ANKRD11: variants seen among roughly 807,000 people sequenced by gnomAD.
ANKRD11 encodes the protein ankyrin repeat domain-containing protein 11.
A neutral mutation model predicts 195.7 loss-of-function variants in ANKRD11; 17 were observed. The ratio of observed to expected loss-of-function variants is 0.09; its 90% CI spans 0.06 to 0.13. The LOEUF (loss-of-function observed/expected upper bound fraction) is 0.13. Ranked by LOEUF, ANKRD11 falls within the 10% of genes least tolerant of loss-of-function variation. ANKRD11 has a pLI of 1.00. For synonymous variants in ANKRD11, 1,953 were observed against 1,528.1 expected, an observed-to-expected ratio of 1.28 and a Z score of -6.49; for missense variants, 3,735 against 3,566.1, an observed-to-expected ratio of 1.05 and a Z score of -1.21.
Position 89,357,289 on chromosome 16 carries a change from A to T in ANKRD11, c.-59-40211T>A, listed in dbSNP as rs531560162. ...CTGATAAAAGTCACACCATGAAGGA[A>T]GGGCAGTCAGGGACTGTGCTCACCA... On this transcript the variant is annotated intron_variant, in intron 2 of 12. Coordinates refer to ENST00000301030, the MANE Select transcript of ANKRD11 (RefSeq NM_013275.6). 3.3e-5 allele frequency among the ~76,000 whole-genome samples: 5 copies of T among 152,298 alleles called. No individual in the cohort carries two copies. In the South Asian group the frequency reaches 6.2e-4, roughly 19 times the overall value.
At chr16:89,289,064 G>A (rs1471165748) in intron 6 of ANKRD11, 1 of 316,730 alleles carries the variant, frequency 3.2e-6, no homozygotes, top group African/African-American at 2.2e-5. Flanking sequence ...CGGAAACCAA[G>A]GCTGAGAGCC....
At chr16:89,485,211 C>A (rs959341303) in intron 1 of ANKRD11, among the ~76,000 whole-genome samples, 2 of 151,828 alleles carry the variant, frequency 1.3e-5, no homozygotes, top group Non-Finnish European at 2.9e-5. Flanking sequence ...TGGCTAGGCG[C>A]GGTAGTTCAC....
At chr16:89,278,538 G>A (rs1423146732) in intron 9 of ANKRD11, 2 of 456,686 alleles carry the variant, frequency 4.4e-6, no homozygotes, top group East Asian at 6.9e-5. Flanking sequence ...AGGGTCAGGT[G>A]GAACAAGGTG....
At chr16:89,271,277 G>GT (rs2033130258) in intron 11 of ANKRD11, 1 of 342,064 alleles carries the variant, frequency 2.9e-6, no homozygotes, top group Admixed American at 4.2e-5. Flanking sequence ...TTCGCTTGTT[G>GT]CCCAGGCTGG....
At chr16:89,424,328 C>T (rs1489655845) in intron 1 of ANKRD11, among the ~76,000 whole-genome samples, 1 of 151,952 alleles carries the variant, frequency 6.6e-6, no homozygotes, top group East Asian at 1.9e-4. Flanking sequence ...GTAATCCCAG[C>T]TACTCGGGAG....
intron 1 of ANKRD11, among the ~76,000 whole-genome samples, chr16:89,474,090 A>G (rs1335843052): frequency 1.3e-5 from 2 of 152,084 alleles, no homozygotes; most frequent in Non-Finnish European, 2.9e-5. Flanking sequence ...GAAAACAAAG[A>G]CTTGCGTCCC....
chr16:89,286,387 G>A (rs767844356), intron 7 of ANKRD11: 20 of 771,336 alleles, frequency 2.6e-5, no homozygotes, highest in Non-Finnish European at 4.2e-5. Flanking sequence ...TGGCTCCTCT[G>A]TGGGAAGGGC....
chr16:89,485,288 A>G (rs186774906), intron 1 of ANKRD11, among the ~76,000 whole-genome samples: 5 of 151,738 alleles, frequency 3.3e-5, no homozygotes, highest in Admixed American at 1.3e-4. Flanking sequence ...GTTCCAGACC[A>G]GCCTGACCAA....
At chr16:89,272,722 T>G (rs1567540545) in intron 11 of ANKRD11, 1 of 152,134 alleles carries the variant, frequency 6.6e-6, no homozygotes, top group Admixed American at 6.6e-5. Flanking sequence ...CTCCCATATT[T>G]AACGCAACCC....
chr16:89,353,660 A>C (rs1182590186), intron 2 of ANKRD11, among the ~76,000 whole-genome samples: 3 of 152,084 alleles, frequency 2.0e-5, no homozygotes, highest in African/African-American at 7.2e-5. Context: ...TTGTATTTTT[A>C]GTAGAGACAG....
At chr16:89,449,070 G>A (rs2043938265) in intron 1 of ANKRD11, among the ~76,000 whole-genome samples, 1 of 152,092 alleles carries the variant, frequency 6.6e-6, no homozygotes, top group South Asian at 2.1e-4. Flanking sequence ...ATGGAAATGG[G>A]CCAGGTGTGG....
chr16:89,384,620 G>A (rs1372176382), intron 2 of ANKRD11, among the ~76,000 whole-genome samples: 1 of 152,180 alleles, frequency 6.6e-6, no homozygotes, highest in Non-Finnish European at 1.5e-5. Flanking sequence ...TCTGCAGGAA[G>A]GAGCCTCTGC....
chr16:89,468,915 CA>C (rs1481182157), intron 1 of ANKRD11, among the ~76,000 whole-genome samples: 1 of 151,954 alleles, frequency 6.6e-6, no homozygotes, highest in African/African-American at 2.4e-5. Flanking sequence ...GTTAAACGTT[CA>C]AAAAACAAAA....
chr16:89,314,881 G>A lies in ANKRD11; in HGVS notation c.87+2052C>T, dbSNP rs74033770. 2.3e-3 allele frequency among the ~76,000 whole-genome samples: 356 copies of A among 152,216 alleles called. 3 individuals carry two copies. The highest frequency in any genetic ancestry group is 7.7e-3 in the African/African-American group (320 of 41,540). Reference sequence around the variant, plus strand: ...CAGAGGCTGGGATCCTCTGTGAAGCGCAGGCCAGGTTCACTCAGCAGTCTG... The same window carrying A: ...CAGAGGCTGGGATCCTCTGTGAAGCACAGGCCAGGTTCACTCAGCAGTCTG... On this transcript the variant is annotated intron_variant, in intron 3 of 12. Coordinates refer to ENST00000301030, the MANE Select transcript of ANKRD11 (RefSeq NM_013275.6).
chr16:89,288,495 G>A (rs1050663027), intron 7 of ANKRD11, 33 bp downstream of exon 7: 2 of 1,613,984 alleles, frequency 1.2e-6, no homozygotes, highest in Non-Finnish European at 1.7e-6. Flanking sequence ...TGCCAGGACA[G>A]GCCGGATGTG....
chr16:89,305,871 ACCAC>A (rs1291172774), intron 3 of ANKRD11, among the ~76,000 whole-genome samples: 2 of 16,344 alleles, frequency 1.2e-4, no homozygotes, highest in East Asian at 1.8e-3. Context: ...GCAGACACGC[ACCAC>A]CCACCTCCCA....
chr16:89,394,942 G>T (rs972834776), intron 2 of ANKRD11, among the ~76,000 whole-genome samples: 1 of 152,176 alleles, frequency 6.6e-6, no homozygotes, highest in Non-Finnish European at 1.5e-5. Context: ...TTTTTCCAAG[G>T]CTACTTAGAG....
rs144145364 is a variant in ANKRD11 at position 89,432,618 on chromosome 16, C to G, written c.-144-14250G>C. 2.1e-3 allele frequency among the ~76,000 whole-genome samples: 326 copies of G among 152,256 alleles called. 2 individuals carry two copies. Among genetic ancestry groups the G allele is most frequent in the African/African-American group, 7.1e-3 (294 of 41,526 alleles). On this transcript the variant is annotated intron_variant, in intron 1 of 12. Coordinates refer to ENST00000301030, the MANE Select transcript of ANKRD11 (RefSeq NM_013275.6). Reference sequence around the variant, plus strand: ...TATACTTCTCAATATTCTTCAAATTCTCTACGGAGATATGTATTGCTTTTA... The same window carrying G: ...TATACTTCTCAATATTCTTCAAATTGTCTACGGAGATATGTATTGCTTTTA...
intron 2 of ANKRD11, among the ~76,000 whole-genome samples, chr16:89,333,907 A>T (rs1382978827): frequency 2.0e-5 from 3 of 152,134 alleles, no homozygotes; most frequent in Non-Finnish European, 1.5e-5. Context: ...GAACAGAGAG[A>T]TAAACTACTT....
Sources: gnomAD v4.1 joint callset for allele counts (sites outside exome capture counted in the v4.1 genomes callset) on GRCh38, gnomAD v4.1.1 for gene constraint, MANE v1.5 for transcripts, NCBI Gene and HGNC (gene_info 2026-07-23, HGNC 2026-07-21) for gene names.